ZBTB43: variants seen among roughly 807,000 people sequenced by gnomAD.
ZBTB43 encodes the protein zinc finger and BTB domain-containing protein 43.
In ZBTB43, 6 loss-of-function variants were observed where a neutral mutation model predicts 31.1. The ratio of observed to expected loss-of-function variants is 0.19; its 90% confidence interval spans 0.11 to 0.38. The LOEUF is 0.38. ZBTB43 is among the 10% of genes least tolerant of loss of function. ZBTB43 has a pLI of 1.00. For missense variants in ZBTB43, 379 were observed against 602.1 expected, an observed-to-expected ratio of 0.63 and a Z score of 3.88; for synonymous variants, 212 against 221.7, an observed-to-expected ratio of 0.96 and a Z score of 0.39.
chr9:126,811,883 C>T (rs777619611), intron 2 of ZBTB43, among the ~76,000 whole-genome samples: 13 of 152,344 alleles, frequency 8.5e-5, no homozygotes, highest in Admixed American at 5.2e-4. Context: ...CTCGGCCTCC[C>T]GAAGTGCTGG....
intron 1 of ZBTB43, among the ~76,000 whole-genome samples, chr9:126,805,697 C>G (rs1279042712): frequency 6.6e-6 from 1 of 152,208 alleles, no homozygotes; most frequent in Non-Finnish European, 1.5e-5. Context: ...GTATCTGGAT[C>G]CTGTTTTATA....
intron 2 of ZBTB43, among the ~76,000 whole-genome samples, chr9:126,816,272 A>G (rs772871859): frequency 5.9e-5 from 9 of 152,018 alleles, no homozygotes; most frequent in Non-Finnish European, 1.3e-4. Context: ...TGCCTTCCAC[A>G]TTATCGATTC....
Position 126,836,239 on chromosome 9 carries a change from G to A in ZBTB43, c.*2326G>A, listed in dbSNP as rs955263826. ...AGGAAGAGTTTCTGTTCAGCCAAGA[G>A]TGGTGGCACGCTTGGGTGGTAGTTT... On this transcript the variant is annotated 3_prime_UTR_variant, in exon 3 of 3. Transcript: ENST00000373464. 3 of 167,250 alleles carry A rather than the reference G, an allele frequency of 1.8e-5. No homozygotes were observed. Among genetic ancestry groups the A allele is most frequent in the Admixed American group, 1.3e-4 (2 of 15,312 alleles). 10.4% of individuals were successfully genotyped at this position (167,250 alleles called of 1,614,324 possible). A position where few individuals can be genotyped will look rare whatever the true frequency, so the allele number is the denominator to read the frequency against.
At chr9:126,818,284 G>T in intron 2 of ZBTB43, among the ~76,000 whole-genome samples, 1 of 148,172 alleles carries the variant, frequency 6.7e-6, no homozygotes. Flanking sequence ...CACTATTCCT[G>T]GCTAATTAAA....
intron 2 of ZBTB43, among the ~76,000 whole-genome samples, chr9:126,818,403 G>A (rs752732539): frequency 1.4e-4 from 21 of 152,138 alleles, no homozygotes; most frequent in African/African-American, 4.8e-4. Flanking sequence ...TTGCAGATGA[G>A]AGCCACCACA....
intron 1 of ZBTB43, among the ~76,000 whole-genome samples, chr9:126,806,209 G>A (rs2032124730): frequency 6.6e-6 from 1 of 152,206 alleles, no homozygotes; most frequent in Non-Finnish European, 1.5e-5. Flanking sequence ...CCTGTCTACA[G>A]GCTAAGAAAG....
In ZBTB43 at chr9:126,833,958, G is replaced by A; in HGVS notation, c.*45G>A. 6.6e-7 allele frequency: 1 copy of A among 1,505,934 alleles called. No homozygotes were observed. Among genetic ancestry groups the A allele is most frequent in the Non-Finnish European group, 8.9e-7 (1 of 1,119,696 alleles). The allele number at this position is 1,505,934 out of a possible 1,614,324, so 93.3% of individuals were successfully genotyped here. A position where few individuals can be genotyped will look rare whatever the true frequency, so the allele number is the denominator to read the frequency against. ...AGTGGCATGCACAAAAATAAACTAT[G>A]GTAATTAATGCAAATCTGGGCACAG... is the stretch of plus-strand genomic sequence containing the variant. On this transcript the variant is annotated 3_prime_UTR_variant, in exon 3 of 3. Transcript: ENST00000373464. This position sits in a 1 kb window ranked among gnomAD's most constrained non-coding sequence, Gnocchi z 7.9.
intron 2 of ZBTB43, among the ~76,000 whole-genome samples, chr9:126,822,492 C>T (rs939780614): frequency 1.3e-5 from 2 of 152,142 alleles, no homozygotes; most frequent in Non-Finnish European, 2.9e-5. Flanking sequence ...CTTATAGTTC[C>T]AGCACTTTGG....
intron 2 of ZBTB43, among the ~76,000 whole-genome samples, chr9:126,815,187 T>C (rs1025621080): frequency 5.4e-5 from 8 of 148,976 alleles, no homozygotes; most frequent in African/African-American, 2.0e-4. Context: ...GTGTATTGTT[T>C]ATATATATAG....
chr9:126,827,741 C>T (rs181058333), intron 2 of ZBTB43, among the ~76,000 whole-genome samples: 1 of 152,302 alleles, frequency 6.6e-6, no homozygotes, highest in African/African-American at 2.4e-5. Context: ...GGCGAGGTGG[C>T]TCACGCCTGT....
At position 126,832,367 on chromosome 9, in the gene ZBTB43, G is replaced by A. The variant is rs569320285; in HGVS notation, c.-23-120G>A. ...CTCTAGGGATTGAATCCCTTACCCAGTGGGGCCCATAGGCTAGAGGACTTT... is the reference window on the plus strand; with the variant it reads ...CTCTAGGGATTGAATCCCTTACCCAATGGGGCCCATAGGCTAGAGGACTTT... On this transcript the variant is annotated intron_variant, in intron 2 of 2. Coordinates refer to ENST00000373464, the MANE Select transcript of ZBTB43 (RefSeq NM_014007.4). 6.5e-6 allele frequency: 6 copies of A among 927,532 alleles called. No individual in the cohort carries two copies. In the South Asian group the frequency reaches 1.1e-4, roughly 17 times the overall value. The allele number at this position is 927,532 out of a possible 1,614,324, so 57.5% of individuals were successfully genotyped here. A position where few individuals can be genotyped will look rare whatever the true frequency, so the allele number is the denominator to read the frequency against.
intron 2 of ZBTB43, chr9:126,831,299 C>G (rs1288622526): frequency 3.3e-5 from 5 of 152,342 alleles, no homozygotes; most frequent in Non-Finnish European, 7.3e-5. Flanking sequence ...TTCTCCCACC[C>G]TCACCACAAC....
chr9:126,813,920 C>T (rs2032304591), intron 2 of ZBTB43, among the ~76,000 whole-genome samples: 1 of 152,084 alleles, frequency 6.6e-6, no homozygotes, highest in Non-Finnish European at 1.5e-5. Context: ...ATCAAATGTG[C>T]CCTGTGCATT....
rs567616974 is a variant in ZBTB43, at chr9:126,834,888, G to C, written c.*975G>C. 1 of 167,172 alleles carries C rather than the reference G, an allele frequency of 6.0e-6. No individual in the cohort carries two copies. The highest frequency in any genetic ancestry group is 2.1e-4 in the South Asian group (1 of 4,828). The allele number at this position is 167,172 out of a possible 1,614,324, so 10.4% of individuals were successfully genotyped here. The stretch of plus-strand genomic sequence containing the variant: ...TTAGTGAGAAGGAGCCACAAGTTGT[G>C]GCTGAGAGTTCCCTGTGAACTTGAG... On this transcript the variant is annotated 3_prime_UTR_variant, in exon 3 of 3. Coordinates refer to ENST00000373464, the MANE Select transcript of ZBTB43 (RefSeq NM_014007.4).
At chr9:126,823,600 G>A (rs1460613764) in intron 2 of ZBTB43, among the ~76,000 whole-genome samples, 1 of 152,232 alleles carries the variant, frequency 6.6e-6, no homozygotes, top group Non-Finnish European at 1.5e-5. Context: ...TACTGACAAG[G>A]AAAGATTCAC....
intron 2 of ZBTB43, among the ~76,000 whole-genome samples, chr9:126,810,580 G>A (rs367968785): frequency 1.4e-5 from 2 of 139,868 alleles, no homozygotes; most frequent in East Asian, 2.3e-4. Context: ...GGCTCACTGC[G>A]ACCTCTGCCT....
chr9:126,811,217 CAA>C (rs370772691), intron 2 of ZBTB43, among the ~76,000 whole-genome samples: 22 of 86,622 alleles, frequency 2.5e-4, no homozygotes, highest in Non-Finnish European at 1.7e-4. Context: ...GACTCCATCT[CAA>C]AAAAAAAAAA....
rs1187212454 is a variant in ZBTB43 at position 126,835,919 on chromosome 9, T to G, written c.*2006T>G. The stretch of plus-strand genomic sequence containing the variant: ...TCACTCATGGTAGAGGCCAGTGGGT[T>G]TTAGGTATGATCCTAGCCATTATAT... On this transcript the variant is annotated 3_prime_UTR_variant, in exon 3 of 3. Coordinates refer to ENST00000373464, the MANE Select transcript of ZBTB43 (RefSeq NM_014007.4). 6.0e-6 allele frequency: 1 copy of G among 167,034 alleles called. No homozygotes were observed. Among genetic ancestry groups the G allele is most frequent in the African/African-American group, 2.4e-5 (1 of 41,430 alleles). 10.3% of individuals were successfully genotyped at this position (167,034 alleles called of 1,614,324 possible). A position where few individuals can be genotyped will look rare whatever the true frequency, so the allele number is the denominator to read the frequency against.
chr9:126,824,096 C>T (rs367797248), intron 2 of ZBTB43, among the ~76,000 whole-genome samples: 13 of 152,056 alleles, frequency 8.5e-5, no homozygotes, highest in African/African-American at 2.2e-4. Context: ...GCGCAATCTC[C>T]GCTCACTGCA....
Sources: allele counts gnomAD v4.1 joint callset (sites outside exome capture counted in the v4.1 genomes callset), GRCh38; gene constraint gnomAD v4.1.1; non-coding constraint Gnocchi (gnomAD v3.1); transcripts MANE v1.5; gene names NCBI Gene and HGNC (gene_info 2026-07-23, HGNC 2026-07-21).